DGKB: variants seen among roughly 807,000 people sequenced by gnomAD.
DGKB encodes the protein diacylglycerol kinase beta.
In DGKB, 67 loss-of-function variants were observed where a neutral mutation model predicts 114.3. That is an observed-to-expected ratio of 0.59 (90% CI 0.48 to 0.72). The LOEUF is 0.72. Among genes scored for constraint, DGKB ranks in the 30% least tolerant of loss-of-function variants. DGKB has a pLI of 0.00. For missense variants in DGKB, 907 were observed against 975.2 expected, an observed-to-expected ratio of 0.93 and a Z score of 0.93; for synonymous variants, 398 against 323.1, an observed-to-expected ratio of 1.23 and a Z score of -2.49.
At chr7:14,575,162 A>C (rs1361311929) in intron 19 of DGKB, among the ~76,000 whole-genome samples, 1 of 152,160 alleles carries the variant, frequency 6.6e-6, no homozygotes, top group African/African-American at 2.4e-5. Flanking sequence ...TAAATTTGCT[A>C]ACACTTCTTT....
chr7:14,693,953 G>C (rs138436899), intron 9 of DGKB, 122 bp downstream of exon 9: 6 of 1,144,514 alleles, frequency 5.2e-6, no homozygotes, highest in Non-Finnish European at 7.3e-6. Context: ...CTTATTAAAA[G>C]TTCCAGGCAC....
At chr7:14,767,061 C>T (rs1003726094) in intron 2 of DGKB, among the ~76,000 whole-genome samples, 7 of 150,702 alleles carry the variant, frequency 4.6e-5, no homozygotes, top group African/African-American at 1.5e-4. Flanking sequence ...GCAACTCATT[C>T]AAAAACAATT....
intron 22 of DGKB, among the ~76,000 whole-genome samples, chr7:14,339,798 C>T (rs1235442655): frequency 6.6e-6 from 1 of 151,754 alleles, no homozygotes; most frequent in Non-Finnish European, 1.5e-5. Context: ...TATGCATTTC[C>T]TAAATTGAAA....
At chr7:14,765,762 C>A (rs1462684484) in intron 2 of DGKB, among the ~76,000 whole-genome samples, 1 of 151,900 alleles carries the variant, frequency 6.6e-6, no homozygotes, top group Admixed American at 6.6e-5. Context: ...AGCCACTCAT[C>A]TATACTATAA....
chr7:14,359,775 A>T (rs1003549899), intron 21 of DGKB, among the ~76,000 whole-genome samples: 1 of 152,184 alleles, frequency 6.6e-6, no homozygotes, highest in African/African-American at 2.4e-5. Flanking sequence ...ATACCATCTC[A>T]CACTGTTAGA....
intron 2 of DGKB, among the ~76,000 whole-genome samples, chr7:14,780,313 T>G (rs1838873459): frequency 6.6e-6 from 1 of 152,324 alleles, no homozygotes; most frequent in East Asian, 1.9e-4. Context: ...AATCTAGGAA[T>G]TTTTGGTCTC....
chr7:14,151,803 G>A (rs1046585943), intron 25 of DGKB, among the ~76,000 whole-genome samples: 21 of 152,066 alleles, frequency 1.4e-4, no homozygotes, highest in Admixed American at 9.2e-4. Flanking sequence ...AGACCACATG[G>A]AGGAAACTAG....
chr7:14,191,853 G>A, intron 23 of DGKB: 1 of 499,412 alleles, frequency 2.0e-6, no homozygotes, highest in Non-Finnish European at 4.0e-6. Flanking sequence ...GTACTGGATT[G>A]TCACACAGTT....
chr7:14,811,394 A>C (rs1171482692), intron 2 of DGKB, among the ~76,000 whole-genome samples: 1 of 152,162 alleles, frequency 6.6e-6, no homozygotes, highest in Non-Finnish European at 1.5e-5. Context: ...AGTTTTAATA[A>C]TACTGAAGTT....
chr7:14,847,318 G>T (rs1249420357), intron 1 of DGKB, among the ~76,000 whole-genome samples: 1 of 148,814 alleles, frequency 6.7e-6, no homozygotes, highest in Admixed American at 6.6e-5. Context: ...AAGACATACT[G>T]AAGAATATAC....
intron 23 of DGKB, among the ~76,000 whole-genome samples, chr7:14,207,268 G>A (rs62445568): frequency 0.098 from 14,935 of 152,044 alleles, 818 homozygotes; most frequent in Non-Finnish European, 0.12. Context: ...GTGAGTCATC[G>A]TGTGTGGGAT....
chr7:14,164,215 A>T (rs577646403), intron 25 of DGKB, among the ~76,000 whole-genome samples: 1 of 152,256 alleles, frequency 6.6e-6, no homozygotes, highest in South Asian at 2.1e-4. Flanking sequence ...TTTTTCTTTC[A>T]TCACTAAAAA....
chr7:14,660,024 CT>C (rs1816706030), intron 13 of DGKB, among the ~76,000 whole-genome samples: 1 of 150,922 alleles, frequency 6.6e-6, no homozygotes, highest in Non-Finnish European at 1.5e-5. Context: ...TGTTTATATG[CT>C]GGATTACATT....
upstream of DGKB, among the ~76,000 whole-genome samples, chr7:14,905,110 T>G (rs188222568): frequency 2.0e-5 from 3 of 152,062 alleles, no homozygotes; most frequent in African/African-American, 7.2e-5. Flanking sequence ...ACTCTAAACA[T>G]TATTGAGAGA....
intron 21 of DGKB, among the ~76,000 whole-genome samples, chr7:14,348,149 C>A (rs186794641): frequency 6.6e-6 from 1 of 150,444 alleles, no homozygotes; most frequent in African/African-American, 2.4e-5. Flanking sequence ...ATAACCACCC[C>A]CACTTCTACC....
At chr7:14,825,493 A>T (rs1845578380) in intron 2 of DGKB, among the ~76,000 whole-genome samples, 3 of 152,162 alleles carry the variant, frequency 2.0e-5, no homozygotes. Context: ...AGGAGCACAC[A>T]ACCTAGTCCC....
At chr7:14,908,614 A>AT (rs982613072) in intron 1 of DGKB, among the ~76,000 whole-genome samples, 7 of 151,958 alleles carry the variant, frequency 4.6e-5, no homozygotes, top group East Asian at 3.9e-4. Flanking sequence ...AAAGCATTTT[A>AT]TTTTTTTTGG....
At chr7:14,834,304 T>C (rs1354401381) in intron 2 of DGKB, among the ~76,000 whole-genome samples, 5 of 152,152 alleles carry the variant, frequency 3.3e-5, no homozygotes, top group Non-Finnish European at 7.4e-5. Context: ...GAAATTGTGA[T>C]GACTTGGCTA....
At chr7:14,334,665 AT>A (rs1203690555) in intron 23 of DGKB, among the ~76,000 whole-genome samples, 2 of 152,120 alleles carry the variant, frequency 1.3e-5, no homozygotes, top group African/African-American at 2.4e-5. Flanking sequence ...GAAAAATAAC[AT>A]TTTAGCTGAA....
Sources: gnomAD v4.1 joint callset for allele counts (sites outside exome capture counted in the v4.1 genomes callset) on GRCh38, gnomAD v4.1.1 for gene constraint, MANE v1.5 for transcripts, NCBI Gene and HGNC (gene_info 2026-07-23, HGNC 2026-07-21) for gene names.